The following SLC38A4 variants were observed in gnomAD, a reference collection of about 807,000 sequenced individuals.
SLC38A4 encodes sodium-coupled neutral amino acid transporter 4.
SLC38A4 carries 20 observed loss-of-function variants against 63.1 expected under a neutral mutation model. That is an observed-to-expected ratio of 0.32 (90% CI 0.22 to 0.46). The LOEUF (loss-of-function observed/expected upper bound fraction) is 0.46. Ranked by LOEUF, SLC38A4 falls within the 20% of genes least tolerant of loss-of-function variation. SLC38A4 has a pLI of 1.00. For synonymous variants in SLC38A4, 230 were observed against 225.5 expected, an observed-to-expected ratio of 1.02 and a Z score of -0.18; for missense variants, 526 against 663.6, an observed-to-expected ratio of 0.79 and a Z score of 2.28.
At chr12:46,793,680 T>A (rs75891793) in intron 2 of SLC38A4, among the ~76,000 whole-genome samples, 3,753 of 152,278 alleles carry the variant, frequency 0.025, 162 homozygotes, top group African/African-American at 0.084. Context: ...AAATGCTTGA[T>A]AATATGCAAC....
At chr12:46,831,588 C>G (rs1939732063) in intron 1 of SLC38A4, among the ~76,000 whole-genome samples, 1 of 152,246 alleles carries the variant, frequency 6.6e-6, no homozygotes, top group Admixed American at 6.5e-5. Context: ...GCCCAGAGAC[C>G]AGGGGCCCAC....
At chr12:46,816,618 T>C (rs1194958308) in intron 1 of SLC38A4, among the ~76,000 whole-genome samples, 1 of 151,874 alleles carries the variant, frequency 6.6e-6, no homozygotes, top group Admixed American at 6.6e-5. Context: ...GGCCTAAACC[T>C]TATAGGGAAT....
At position 46,766,745 on chromosome 12, in the gene SLC38A4, T is replaced by G; in HGVS notation, c.1600A>C (p.Ile534Leu). The G allele has an allele frequency of 6.2e-7, 1 of 1,612,374 alleles. No homozygotes were observed. Among genetic ancestry groups the G allele is most frequent in the Non-Finnish European group, 8.5e-7 (1 of 1,179,006 alleles). The change falls in exon 17 of 17, where the codon ATA becomes CTA. Residue 534 changes from isoleucine to leucine, a missense_variant. Transcript: ENST00000266579. ...FFMIGSMALI[I>L]IDWIYDPPNS... ...GGAGGATCATAAATCCAGTCAATTA[T>G]AATGAGTGCCATGCTTCCAATCATG...
At chr12:46,829,352 G>C (rs1939700384), upstream of SLC38A4, among the ~76,000 whole-genome samples, 1 of 151,394 alleles carries the variant, frequency 6.6e-6, no homozygotes, top group Admixed American at 6.6e-5. Flanking sequence ...TTAAAACTGT[G>C]TAATCATTTT....
intron 5 of SLC38A4, 108 bp downstream of exon 5, chr12:46,787,808 C>T: frequency 2.6e-6 from 2 of 759,092 alleles, no homozygotes; most frequent in Non-Finnish European, 4.2e-6. Flanking sequence ...TGATTAGCCT[C>T]CTCTGAGTCT....
chr12:46,790,371 A>G (rs1938858985), intron 3 of SLC38A4, among the ~76,000 whole-genome samples: 1 of 152,140 alleles, frequency 6.6e-6, no homozygotes. Flanking sequence ...AGAAAGCACA[A>G]TGCCCTCAGT....
chr12:46,810,513 A>G (rs2120888991), intron 1 of SLC38A4, among the ~76,000 whole-genome samples: 1 of 151,956 alleles, frequency 6.6e-6, no homozygotes, highest in East Asian at 1.9e-4. Context: ...CACATTCTCC[A>G]CATGTACCCC....
chr12:46,783,924 A>G (rs912957831), intron 7 of SLC38A4, among the ~76,000 whole-genome samples: 6 of 152,058 alleles, frequency 3.9e-5, no homozygotes, highest in Admixed American at 2.6e-4. Context: ...AAACACACCA[A>G]CGAGAGAACA....
chr12:46,782,953 G>T (rs150935984), intron 7 of SLC38A4, among the ~76,000 whole-genome samples: 1 of 143,008 alleles, frequency 7.0e-6, no homozygotes, highest in African/African-American at 2.6e-5. Flanking sequence ...GACCATGAGA[G>T]CCCAGAGGAA....
At chr12:46,799,416 A>G (rs532156909) in intron 2 of SLC38A4, among the ~76,000 whole-genome samples, 1 of 152,126 alleles carries the variant, frequency 6.6e-6, no homozygotes, top group South Asian at 2.1e-4. Flanking sequence ...AGCCTGCCCA[A>G]CATGGCAAAG....
Position 46,779,583 on chromosome 12 carries a change from G to T in SLC38A4, c.717+28C>A, listed in dbSNP as rs1458527944. Reference sequence around the variant, plus strand: ...CAAAAAAACTCATGCTAACCAACCTGCAAGGATCATGTCATCACATCACTT... The same window carrying T: ...CAAAAAAACTCATGCTAACCAACCTTCAAGGATCATGTCATCACATCACTT... On this transcript the variant is annotated intron_variant, in intron 10 of 16. Transcript: ENST00000266579. The T allele has an allele frequency of 2.5e-6, 4 of 1,574,018 alleles. No homozygotes were observed. In the African/African-American group the frequency reaches 4.1e-5, roughly 16 times the overall value.
chr12:46,773,953 G>C (rs1018853985), intron 14 of SLC38A4, among the ~76,000 whole-genome samples: 1 of 151,996 alleles, frequency 6.6e-6, no homozygotes, highest in South Asian at 2.1e-4. Context: ...CAGTGAAGTT[G>C]TTTGCCTGGC....
rs756893984 is a variant in SLC38A4 at position 46,777,018 on chromosome 12, G to A, written c.1074-14C>T. 8.2e-6 allele frequency: 13 copies of A among 1,594,992 alleles called. No homozygotes were observed. Among genetic ancestry groups the A allele is most frequent in the Middle Eastern group, 1.7e-4 (1 of 6,024 alleles). On this transcript the variant is annotated splice_polypyrimidine_tract_variant and intron_variant, in intron 12 of 16. Transcript: ENST00000266579. Reference sequence around the variant, plus strand: ...CTCCGGGACCGACTGGAAAAAGAAAGAACACCAAGCTTTGTTTTTTAAACT... The same window carrying A: ...CTCCGGGACCGACTGGAAAAAGAAAAAACACCAAGCTTTGTTTTTTAAACT...
At chr12:46,782,767 T>C (rs2120792546) in intron 7 of SLC38A4, among the ~76,000 whole-genome samples, 1 of 151,306 alleles carries the variant, frequency 6.6e-6, no homozygotes, top group South Asian at 2.1e-4. Context: ...ATAGCCTTTG[T>C]AAGGTAATTT....
intron 12 of SLC38A4, among the ~76,000 whole-genome samples, chr12:46,777,378 A>T (rs1336101920): frequency 6.6e-6 from 1 of 152,004 alleles, no homozygotes; most frequent in African/African-American, 2.4e-5. Context: ...AACCTAGTAG[A>T]GTCAGCAAAG....
chr12:46,782,664 G>A (rs2715779), intron 7 of SLC38A4, among the ~76,000 whole-genome samples: 44,062 of 151,110 alleles, frequency 0.29, 7,160 homozygotes, highest in Non-Finnish European at 0.37. Context: ...GGCAACTCCA[G>A]AGACATGGAT....
At chr12:46,777,764 C>A (rs1938560790) in intron 12 of SLC38A4, among the ~76,000 whole-genome samples, 1 of 151,946 alleles carries the variant, frequency 6.6e-6, no homozygotes, top group Non-Finnish European at 1.5e-5. Context: ...AACCATAGAC[C>A]ATCAGCTGGA....
At chr12:46,791,791 A>G (rs1233236996) in intron 3 of SLC38A4, among the ~76,000 whole-genome samples, 2 of 152,074 alleles carry the variant, frequency 1.3e-5, no homozygotes, top group African/African-American at 4.8e-5. Flanking sequence ...TCACTTCTAC[A>G]TGGGGGAGTA....
At chr12:46,784,947 C>T (rs753911215) in intron 6 of SLC38A4, among the ~76,000 whole-genome samples, 157 bp downstream of exon 6, 2 of 151,958 alleles carry the variant, frequency 1.3e-5, no homozygotes, top group Non-Finnish European at 2.9e-5. Flanking sequence ...TCTCACTTGC[C>T]CAAACAACTA....
Sources: allele counts gnomAD v4.1 joint callset (sites outside exome capture counted in the v4.1 genomes callset), GRCh38; gene constraint gnomAD v4.1.1; transcripts MANE v1.5; gene names NCBI Gene and HGNC (gene_info 2026-07-23, HGNC 2026-07-21).